The following CELF1 variants were observed in gnomAD, a reference collection of about 807,000 sequenced individuals.
CELF1 encodes CUGBP Elav-like family member 1, also known as 50 kDa nuclear polyadenylated RNA-binding protein.
CELF1 carries 10 observed loss-of-function variants against 61.8 expected under a neutral mutation model. That is an observed-to-expected ratio of 0.16 (90% CI 0.10 to 0.27). CELF1 has a LOEUF of 0.27. CELF1 is among the 10% of genes least tolerant of loss of function. The pLI is 1.00. For synonymous variants in CELF1, 236 were observed against 225.1 expected (o/e 1.05, Z -0.43); for missense variants, 380 against 639.1 (o/e 0.59, Z 4.37).
Position 47,538,659 on chromosome 11 carries a change from A to T in CELF1, c.-154+14333T>A, listed in dbSNP as rs80221606. 5.1e-3 allele frequency among the ~76,000 whole-genome samples: 767 copies of T among 149,062 alleles called. 9 individuals are homozygous for T. The highest frequency in any genetic ancestry group is 0.029 in the East Asian group (147 of 5,062). ...CTCCGTCTCAAAAAAAAAAAAAAAA[A>T]AAATCTCCATTTCAAAACTAGCTTG... On this transcript the variant is annotated intron_variant, in intron 1 of 14. Coordinates refer to ENST00000687097, the MANE Select transcript of CELF1 (RefSeq NM_001376376.1).
At chr11:47,516,312 G>GA (rs1453194910) in intron 1 of CELF1, among the ~76,000 whole-genome samples, 1 of 152,196 alleles carries the variant, frequency 6.6e-6, no homozygotes, top group Non-Finnish European at 1.5e-5. Context: ...CTAATACACT[G>GA]AAAGTAAAAT....
chr11:47,489,471 A>C (rs2089786352), intron 3 of CELF1, among the ~76,000 whole-genome samples: 1 of 152,250 alleles, frequency 6.6e-6, no homozygotes, highest in South Asian at 2.1e-4. Context: ...ATGACAGGTG[A>C]AGTTTCCTTT....
At chr11:47,473,357 G>T in intron 13 of CELF1, 126 bp from the exon 14 acceptor site, 1 of 830,078 alleles carries the variant, frequency 1.2e-6, no homozygotes, top group Non-Finnish European at 1.9e-6. Context: ...TTCATCTGGG[G>T]AACTAAACAG....
At chr11:47,495,342 T>C (rs1406065499) in intron 3 of CELF1, among the ~76,000 whole-genome samples, 3 of 152,108 alleles carry the variant, frequency 2.0e-5, no homozygotes, top group Non-Finnish European at 4.4e-5. Flanking sequence ...CAGGCAAATC[T>C]ACAGACAGAA....
chr11:47,472,977 C>G, intron 14 of CELF1, 111 bp downstream of exon 14: 1 of 1,270,012 alleles, frequency 7.9e-7, no homozygotes, highest in African/African-American at 1.5e-5. Context: ...TGCCCATGGC[C>G]AAGTTAAAAC....
rs1288493754 is a variant in CELF1, at chr11:47,553,041, C to CGCA, written c.-206_-204dup. ...CTGCCTCAGTTGCTGCCTGCGCCTC[C>CGCA]GCAGCCGCCGCCGCCGCCTCGCTGC... On this transcript the variant is annotated 5_prime_UTR_variant, in exon 1 of 15. Transcript: ENST00000687097. 1.5e-5 allele frequency: 6 copies of CGCA among 399,472 alleles called. No individual in the cohort carries two copies. The highest frequency in any genetic ancestry group is 2.6e-5 in the Non-Finnish European group (6 of 228,392). 24.7% of individuals were successfully genotyped at this position (399,472 alleles called of 1,614,324 possible). A position where few individuals can be genotyped will look rare whatever the true frequency, so the allele number is the denominator to read the frequency against.
rs138179170 is a variant in CELF1, at chr11:47,494,504, C to T, written c.71+4949G>A. The T allele has an allele frequency of 1.3e-3, 1,300 of 981,442 alleles. 17 individuals are homozygous for T. In the African/African-American group the frequency reaches 0.021, roughly 16 times the overall value. 60.8% of individuals were successfully genotyped at this position (981,442 alleles called of 1,614,324 possible). ...AGACACACGAGGGAACAAAAAAGAGCTGTTATTTTCAAAGTATGTATTTGT... is the reference window on the plus strand; with the variant it reads ...AGACACACGAGGGAACAAAAAAGAGTTGTTATTTTCAAAGTATGTATTTGT... On this transcript the variant is annotated intron_variant, in intron 3 of 14. Transcript: ENST00000687097.
At chr11:47,496,050 A>C in intron 3 of CELF1, 2 of 969,572 alleles carry the variant, frequency 2.1e-6, no homozygotes, top group Non-Finnish European at 2.5e-6. Context: ...TGCTGTGGAA[A>C]AACTGGAACA....
At chr11:47,549,804 G>A (rs1352527878) in intron 1 of CELF1, among the ~76,000 whole-genome samples, 1 of 148,114 alleles carries the variant, frequency 6.8e-6, no homozygotes, top group East Asian at 2.0e-4. Context: ...GTTAGTAAAT[G>A]TTGTGGGTTT....
chr11:47,492,844 A>G (rs2092109809), intron 3 of CELF1, among the ~76,000 whole-genome samples: 1 of 152,192 alleles, frequency 6.6e-6, no homozygotes, highest in South Asian at 2.1e-4. Flanking sequence ...CTAATCTTTC[A>G]TTCTATTTCT....
intron 1 of CELF1, among the ~76,000 whole-genome samples, chr11:47,533,568 A>G (rs2096543502): frequency 6.6e-6 from 1 of 152,212 alleles, no homozygotes. Context: ...AGTGGCAGTG[A>G]GCTGAGATCG....
chr11:47,534,372 G>C (rs1192261630), intron 1 of CELF1, among the ~76,000 whole-genome samples: 1 of 150,960 alleles, frequency 6.6e-6, no homozygotes, highest in African/African-American at 2.4e-5. Context: ...GTTTTCCAAA[G>C]TTCAAGAAAT....
chr11:47,504,296 A>C (rs1026901031), intron 1 of CELF1, among the ~76,000 whole-genome samples: 2 of 151,980 alleles, frequency 1.3e-5, no homozygotes, highest in Non-Finnish European at 2.9e-5. Flanking sequence ...TGTAAAAAGA[A>C]TTTTTCTGGC....
chr11:47,560,388 TG>T (rs1217312603), intron 2 of CELF1, among the ~76,000 whole-genome samples: 2 of 152,220 alleles, frequency 1.3e-5, no homozygotes, highest in African/African-American at 4.8e-5. Flanking sequence ...CACTCCAGCC[TG>T]GGTGACAGAG....
At chr11:47,494,657 G>A (rs1164797835) in intron 3 of CELF1, 1 of 186,114 alleles carries the variant, frequency 5.4e-6, no homozygotes, top group Non-Finnish European at 1.0e-5. Context: ...CTGGCCCCAA[G>A]TGACTAAACC....
intron 6 of CELF1, among the ~76,000 whole-genome samples, chr11:47,485,704 C>A (rs926848909): frequency 2.0e-5 from 3 of 151,666 alleles, no homozygotes; most frequent in African/African-American, 7.3e-5. Flanking sequence ...GTCTCAGCCT[C>A]CTGAGTAGCT....
intron 1 of CELF1, among the ~76,000 whole-genome samples, chr11:47,509,494 T>C (rs2094876612): frequency 6.6e-6 from 1 of 152,082 alleles, no homozygotes; most frequent in Non-Finnish European, 1.5e-5. Context: ...TTTGAGGCTG[T>C]AGTGAGCTAT....
At chr11:47,530,058 T>A (rs978430365) in intron 1 of CELF1, among the ~76,000 whole-genome samples, 10 of 152,202 alleles carry the variant, frequency 6.6e-5, no homozygotes, top group African/African-American at 2.4e-4. Flanking sequence ...GCCTAAAATT[T>A]TTAGGTTCTC....
At chr11:47,485,238 T>C (rs2086010505) in intron 6 of CELF1, among the ~76,000 whole-genome samples, 1 of 152,214 alleles carries the variant, frequency 6.6e-6, no homozygotes, top group Non-Finnish European at 1.5e-5. Flanking sequence ...TGAAGTGCGG[T>C]GGCATGATCA....
Sources: gnomAD v4.1 joint callset for allele counts (sites outside exome capture counted in the v4.1 genomes callset) on GRCh38, gnomAD v4.1.1 for gene constraint, MANE v1.5 for transcripts, NCBI Gene and HGNC (gene_info 2026-07-23, HGNC 2026-07-21) for gene names.